The following VAV3 variants were observed in gnomAD, a reference collection of about 807,000 sequenced individuals.
VAV3 encodes the protein guanine nucleotide exchange factor VAV3.
Under a neutral mutation model 131.2 loss-of-function variants are expected in VAV3, and 94 were observed. The observed-to-expected ratio is 0.72, with a 90% CI of 0.61 to 0.85. The LOEUF (loss-of-function observed/expected upper bound fraction) is 0.85, where lower values mean the gene tolerates loss of function less well. Among genes scored for constraint, VAV3 ranks in the 40% least tolerant of loss-of-function variants. The pLI, the probability that VAV3 is intolerant of heterozygous loss-of-function variation, is 0.00. For missense variants in VAV3, 939 were observed against 1,002.7 expected (o/e 0.94, Z 0.86); for synonymous variants, 349 against 342.0 (o/e 1.02, Z -0.22).
intron 2 of VAV3, among the ~76,000 whole-genome samples, chr1:107,854,046 C>T (rs1168819511): frequency 2.0e-5 from 3 of 152,130 alleles, no homozygotes; most frequent in East Asian, 3.8e-4. Context: ...TGGCAGCTCA[C>T]GCCTGTAATC....
intron 2 of VAV3, among the ~76,000 whole-genome samples, chr1:107,811,338 A>G (rs1274004932): frequency 1.3e-5 from 2 of 152,178 alleles, no homozygotes; most frequent in Non-Finnish European, 2.9e-5. Flanking sequence ...TGCACAGGGT[A>G]AGATACTGGG....
At chr1:107,790,871 A>G (rs1424957756) in intron 2 of VAV3, among the ~76,000 whole-genome samples, 3 of 151,850 alleles carry the variant, frequency 2.0e-5, no homozygotes, top group Non-Finnish European at 4.4e-5. Context: ...TATTTTTACT[A>G]GAGACGGGGT....
intron 20 of VAV3, among the ~76,000 whole-genome samples, chr1:107,636,411 C>A (rs1443168381): frequency 6.6e-6 from 1 of 152,138 alleles, no homozygotes; most frequent in Non-Finnish European, 1.5e-5. Context: ...TTAGAAAGTA[C>A]AGATGCTCCT....
intron 22 of VAV3, among the ~76,000 whole-genome samples, chr1:107,605,837 T>C (rs1448205142): frequency 6.6e-6 from 1 of 152,214 alleles, no homozygotes. Context: ...TTCCAAAATC[T>C]GAAAAAATCT....
At chr1:107,893,858 G>A (rs1023518045) in intron 1 of VAV3, among the ~76,000 whole-genome samples, 1 of 151,870 alleles carries the variant, frequency 6.6e-6, no homozygotes, top group Non-Finnish European at 1.5e-5. Flanking sequence ...TTTTTTCCTG[G>A]GTAGGCTATT....
At chr1:107,854,596 C>A (rs1669379628) in intron 2 of VAV3, among the ~76,000 whole-genome samples, 1 of 152,148 alleles carries the variant, frequency 6.6e-6, no homozygotes, top group African/African-American at 2.4e-5. Context: ...CCTGCTACTT[C>A]CACTCTACTG....
chr1:107,782,330 C>G lies in VAV3; in HGVS notation c.322-2838G>C, dbSNP rs557280969. Among the ~76,000 whole-genome samples the G allele has an allele frequency of 1.6e-4, 25 of 152,096 alleles. No homozygotes were observed. The East Asian group carries it at 4.4e-3, about 27-fold the overall frequency. On this transcript the variant is annotated intron_variant, in intron 2 of 26. Coordinates refer to ENST00000370056, the MANE Select transcript of VAV3 (RefSeq NM_006113.5). ...CCACCAAAAACCAGAAAAATGACAA[C>G]CCCTCCCCTACACACCGCCTCTTTC...
intron 2 of VAV3, among the ~76,000 whole-genome samples, chr1:107,825,296 C>T (rs1165476535): frequency 3.3e-5 from 5 of 152,072 alleles, no homozygotes; most frequent in African/African-American, 7.2e-5. Context: ...ACTTATGGGT[C>T]TTTATTGCAT....
chr1:107,660,909 G>A (rs993643483), intron 19 of VAV3, among the ~76,000 whole-genome samples: 2 of 152,010 alleles, frequency 1.3e-5, no homozygotes, highest in African/African-American at 4.8e-5. Context: ...ATCTCATCAA[G>A]TGTTCAGGGA....
chr1:107,753,549 T>TATATGTATATATATATACACAC (rs771773884), intron 12 of VAV3, among the ~76,000 whole-genome samples: 920 of 81,920 alleles, frequency 0.011, 25 homozygotes, highest in African/African-American at 0.04. Context: ...TATATATATA[T>TATATGTATATATATATACACAC]ACACACACAC....
intron 25 of VAV3, among the ~76,000 whole-genome samples, chr1:107,580,253 C>T (rs1455349323): frequency 1.3e-5 from 2 of 152,126 alleles, no homozygotes; most frequent in Non-Finnish European, 2.9e-5. Flanking sequence ...CCTTATGTCT[C>T]CTCCTTCCAT....
chr1:107,611,229 A>C (rs1652701483), intron 21 of VAV3, among the ~76,000 whole-genome samples: 1 of 152,216 alleles, frequency 6.6e-6, no homozygotes, highest in Admixed American at 6.5e-5. Flanking sequence ...TTCAGATGTC[A>C]GATTTTCAAA....
chr1:107,621,234 G>A (rs1038109072), intron 20 of VAV3, among the ~76,000 whole-genome samples: 10 of 151,944 alleles, frequency 6.6e-5, no homozygotes, highest in African/African-American at 2.4e-4. Context: ...TTTCTTAAAT[G>A]GTCATAGGCA....
rs540965796 is a variant in VAV3 at position 107,762,451 on chromosome 1, G to C, written c.922-1572C>G. Among the ~76,000 whole-genome samples the C allele has an allele frequency of 2.0e-5, 3 of 152,270 alleles. No individual in the cohort carries two copies. In the East Asian group the frequency reaches 5.8e-4, roughly 29 times the overall value. Reference sequence around the variant, plus strand: ...GCTAGCTGTGTCATCAATTACTGCAGTTCATTAGAAGGATAACTATTTCAA... The same window carrying C: ...GCTAGCTGTGTCATCAATTACTGCACTTCATTAGAAGGATAACTATTTCAA... On this transcript the variant is annotated intron_variant, in intron 9 of 26. Coordinates refer to ENST00000370056, the MANE Select transcript of VAV3 (RefSeq NM_006113.5).
At chr1:107,925,892 CAT>C (rs1032309497) in intron 1 of VAV3, among the ~76,000 whole-genome samples, 15 of 49,240 alleles carry the variant, frequency 3.0e-4, no homozygotes, top group African/African-American at 8.5e-4. Context: ...AAATATATAA[CAT>C]ATATGATATA....
chr1:107,747,339 T>C (rs1663413133), intron 15 of VAV3, among the ~76,000 whole-genome samples: 1 of 152,076 alleles, frequency 6.6e-6, no homozygotes, highest in Non-Finnish European at 1.5e-5. Flanking sequence ...CTGAAGATTA[T>C]ATAGCCAAAC....
intron 2 of VAV3, among the ~76,000 whole-genome samples, chr1:107,793,575 A>C (rs1027637267): frequency 6.6e-6 from 1 of 152,200 alleles, no homozygotes; most frequent in Non-Finnish European, 1.5e-5. Flanking sequence ...GCTGAGTGGC[A>C]GACACAATGC....
Position 107,811,950 on chromosome 1 carries a change from C to T in VAV3, c.322-32458G>A, listed in dbSNP as rs556470867. Among the ~76,000 whole-genome samples the T allele has an allele frequency of 1.2e-4, 18 of 152,246 alleles. No homozygotes were observed. In the East Asian group the frequency reaches 2.1e-3, roughly 18 times the overall value. ...TTTCAAGTTGCAACAGGCAGCCATA[C>T]GCTCACATCATTTTCTACAAGTGGA... On this transcript the variant is annotated intron_variant, in intron 2 of 26. Transcript: ENST00000370056.
chr1:107,807,267 A>G (rs1667100987), intron 2 of VAV3, among the ~76,000 whole-genome samples: 1 of 152,202 alleles, frequency 6.6e-6, no homozygotes, highest in South Asian at 2.1e-4. Flanking sequence ...TAGATATTTG[A>G]AAGAGTAGAG....
Sources: allele counts gnomAD v4.1 joint callset (sites outside exome capture counted in the v4.1 genomes callset), GRCh38; gene constraint gnomAD v4.1.1; transcripts MANE v1.5; gene names NCBI Gene and HGNC (gene_info 2026-07-23, HGNC 2026-07-21).